MLIP: variants seen among roughly 807,000 people sequenced by gnomAD.
MLIP encodes the protein muscular LMNA-interacting protein.
A neutral mutation model predicts 84.8 loss-of-function variants in MLIP; 79 were observed. That is an observed-to-expected ratio of 0.93 (90% CI 0.78 to 1.12). The LOEUF (loss-of-function observed/expected upper bound fraction) is 1.12. Ranked by LOEUF, MLIP falls within the 50% of genes most tolerant of loss-of-function variation. The probability of loss-of-function intolerance (pLI) is 0.00; values close to 1 mark genes in which losing one functional copy is unlikely to be tolerated. For missense variants in MLIP, 1,257 were observed against 1,160.6 expected (o/e 1.08, Z -1.21); for synonymous variants, 504 against 463.0 (o/e 1.09, Z -1.14).
intron 9 of MLIP, among the ~76,000 whole-genome samples, chr6:54,178,499 T>C (rs1305433686): frequency 1.3e-5 from 2 of 152,182 alleles, no homozygotes; most frequent in African/African-American, 4.8e-5. Flanking sequence ...AGGTGTTTTA[T>C]TAGGTTATTC....
chr6:54,266,028 T>A lies in MLIP; in HGVS notation c.*73T>A. The stretch of plus-strand genomic sequence containing the variant: ...GCTGGTGCTAACCACTTGCTAGATT[T>A]AACTTTTTTTTTTTTTTCCAGAATG... On this transcript the variant is annotated 3_prime_UTR_variant, in exon 14 of 14. Transcript: ENST00000502396. 6.6e-7 allele frequency: 1 copy of A among 1,504,060 alleles called. No homozygotes were observed. The allele number at this position is 1,504,060 out of a possible 1,614,324, so 93.2% of individuals were successfully genotyped here.
intron 12 of MLIP, among the ~76,000 whole-genome samples, chr6:54,236,328 C>T (rs757373482): frequency 3.9e-5 from 6 of 152,140 alleles, no homozygotes; most frequent in Non-Finnish European, 7.4e-5. Context: ...AAGCCAGGTG[C>T]GGTGGCTCAC....
At chr6:54,096,735 C>A (rs946223140) in intron 1 of MLIP, among the ~76,000 whole-genome samples, 1 of 152,316 alleles carries the variant, frequency 6.6e-6, no homozygotes, top group African/African-American at 2.4e-5. Flanking sequence ...AAATATCTGG[C>A]ACCCTGAATT....
At chr6:54,103,600 C>T (rs1259184311) in intron 1 of MLIP, among the ~76,000 whole-genome samples, 1 of 152,180 alleles carries the variant, frequency 6.6e-6, no homozygotes, top group African/African-American at 2.4e-5. Flanking sequence ...TCCTGTGTTC[C>T]TCTCTATGTA....
intron 11 of MLIP, among the ~76,000 whole-genome samples, chr6:54,226,403 T>C (rs149899304): frequency 7.9e-5 from 12 of 152,332 alleles, no homozygotes; most frequent in African/African-American, 2.9e-4. Flanking sequence ...AATGTCTTTT[T>C]TGAGGAATCT....
intron 12 of MLIP, among the ~76,000 whole-genome samples, chr6:54,252,472 A>C (rs1202994540): frequency 7.2e-6 from 1 of 139,046 alleles, no homozygotes; most frequent in Non-Finnish European, 1.5e-5. Flanking sequence ...TATAATATAA[A>C]TATAATATAT....
At chr6:54,263,227 G>A (rs559673380) in intron 13 of MLIP, among the ~76,000 whole-genome samples, 2 of 152,126 alleles carry the variant, frequency 1.3e-5, no homozygotes, top group Admixed American at 6.6e-5. Flanking sequence ...TCATTCAGAT[G>A]TCACATGGTT....
chr6:54,160,531 C>G lies in MLIP; in HGVS notation c.2371C>G (p.Gln791Glu), dbSNP rs776324543. The G allele has an allele frequency of 6.2e-7, 1 of 1,612,536 alleles. No individual in the cohort carries two copies. Among genetic ancestry groups the G allele is most frequent in the South Asian group, 1.1e-5 (1 of 91,012 alleles). ...EPPVELYFPAQLRQQTEELCA... is the reference protein window; with the variant it reads ...EPPVELYFPAELRQQTEELCA... ...ATTCTTCCAGCTCTATTTTCCTGCA[C>G]AGCTCAGGCAGCAAACTGAAGAGCT... The change falls in exon 7 of 14, where the codon CAG (glutamine) becomes GAG (glutamate). Residue 791 changes from glutamine (Q) to glutamate (E), a missense_variant. Transcript: ENST00000502396.
intron 10 of MLIP, among the ~76,000 whole-genome samples, chr6:54,197,550 T>C (rs1005368774): frequency 2.0e-5 from 3 of 152,116 alleles, no homozygotes; most frequent in Non-Finnish European, 4.4e-5. Flanking sequence ...CATGAATTGA[T>C]ATTTTCGATT....
At chr6:54,265,922 C>T in intron 13 of MLIP, 28 bp from the exon 14 acceptor site, 2 of 1,604,970 alleles carry the variant, frequency 1.2e-6, no homozygotes. Context: ...TCATCTTAAC[C>T]TGACTACCAT....
intron 3 of MLIP, 108 bp downstream of exon 3, chr6:54,124,973 A>C (rs1770799067): frequency 2.2e-6 from 2 of 912,564 alleles, no homozygotes; most frequent in African/African-American, 3.4e-5. Context: ...AAAACTTTCA[A>C]AGAAAAATAT....
chr6:54,172,132 A>G (rs1486109631), intron 9 of MLIP, among the ~76,000 whole-genome samples: 2 of 151,642 alleles, frequency 1.3e-5, no homozygotes, highest in Non-Finnish European at 3.0e-5. Context: ...GTTAGTACTG[A>G]CTACTGAAAA....
intron 10 of MLIP, among the ~76,000 whole-genome samples, chr6:54,192,060 T>TA (rs200486270): frequency 7.9e-5 from 12 of 151,440 alleles, no homozygotes; most frequent in Admixed American, 6.6e-4. Flanking sequence ...GTGAATGTAA[T>TA]AAAAAAAACT....
At chr6:54,140,936 C>T (rs1310860720) in intron 4 of MLIP, among the ~76,000 whole-genome samples, 3 of 152,144 alleles carry the variant, frequency 2.0e-5, no homozygotes, top group African/African-American at 4.8e-5. Context: ...GAGCACAGGA[C>T]TCTTTTTGAA....
At chr6:54,149,728 A>C (rs1245218811) in intron 5 of MLIP, among the ~76,000 whole-genome samples, 3 of 152,162 alleles carry the variant, frequency 2.0e-5, no homozygotes, top group Non-Finnish European at 4.4e-5. Flanking sequence ...TCAGTGACCC[A>C]ACTGCTTTCA....
chr6:54,090,963 G>A lies in MLIP; in HGVS notation c.64-30484G>A, dbSNP rs144224747. Among the ~76,000 whole-genome samples, 237 of 152,198 alleles carry A rather than the reference G, an allele frequency of 1.6e-3. 3 individuals are homozygous for A. The highest frequency in any genetic ancestry group is 5.4e-3 in the African/African-American group (224 of 41,544). The stretch of plus-strand genomic sequence containing the variant: ...GTTTTTATGGGGGCTATACTGTAAA[G>A]CAGTGTTTCTCAACCTTAATAATAT... On this transcript the variant is annotated intron_variant, in intron 1 of 12. Coordinates refer to the MLIP transcript ENST00000274897.
chr6:54,031,919 G>C (rs1764164153), intron 1 of MLIP, among the ~76,000 whole-genome samples: 3 of 152,162 alleles, frequency 2.0e-5, no homozygotes, highest in Non-Finnish European at 4.4e-5. Context: ...GCCATCAGTA[G>C]GCAGCTATGG....
intron 11 of MLIP, among the ~76,000 whole-genome samples, chr6:54,209,990 T>A (rs1779312334): frequency 6.6e-6 from 1 of 151,164 alleles, no homozygotes; most frequent in Non-Finnish European, 1.5e-5. Context: ...TTTTCTTCTT[T>A]GATTTAAAAA....
intron 1 of MLIP, among the ~76,000 whole-genome samples, chr6:54,072,192 A>C (rs1189226095): frequency 1.3e-5 from 2 of 152,256 alleles, no homozygotes; most frequent in East Asian, 3.9e-4. Flanking sequence ...GAACTGACTC[A>C]CCAAAAAAAT....
Sources: allele counts gnomAD v4.1 joint callset (sites outside exome capture counted in the v4.1 genomes callset), GRCh38; gene constraint gnomAD v4.1.1; transcripts MANE v1.5; gene names NCBI Gene and HGNC (gene_info 2026-07-23, HGNC 2026-07-21).